The following CNTNAP2 variants were observed in gnomAD, a reference collection of about 807,000 sequenced individuals.
CNTNAP2 encodes contactin associated protein 2.
CNTNAP2 carries 98 observed loss-of-function variants against 155.2 expected under a neutral mutation model. The ratio of observed to expected loss-of-function variants is 0.63; its 90% CI spans 0.54 to 0.75. CNTNAP2 has a LOEUF of 0.75. Among genes scored for constraint, CNTNAP2 ranks in the 30% least tolerant of loss-of-function variants. The probability of loss-of-function intolerance (pLI) is 0.00; values close to 1 mark genes in which losing one functional copy is unlikely to be tolerated. For synonymous variants in CNTNAP2, 651 were observed against 631.2 expected (o/e 1.03, Z -0.47); for missense variants, 1,727 against 1,688.1 (o/e 1.02, Z -0.40).
chr7:147,052,096 C>CT (rs1799484362), intron 4 of CNTNAP2, among the ~76,000 whole-genome samples: 1 of 152,072 alleles, frequency 6.6e-6, no homozygotes, highest in African/African-American at 2.4e-5. Flanking sequence ...CCTGACCAAT[C>CT]TTTTTTATCT....
chr7:147,341,370 T>C (rs1795759998), intron 9 of CNTNAP2, among the ~76,000 whole-genome samples: 1 of 151,954 alleles, frequency 6.6e-6, no homozygotes, highest in Non-Finnish European at 1.5e-5. Context: ...CAAACCAACA[T>C]GGCATGTGCA....
At chr7:146,664,758 C>A (rs1007378354) in intron 1 of CNTNAP2, among the ~76,000 whole-genome samples, 1 of 152,076 alleles carries the variant, frequency 6.6e-6, no homozygotes, top group African/African-American at 2.4e-5. Context: ...CTATTGAAGT[C>A]ATTTGAACCT....
At chr7:148,004,053 A>C (rs1384795209) in intron 15 of CNTNAP2, among the ~76,000 whole-genome samples, 3 of 152,234 alleles carry the variant, frequency 2.0e-5, no homozygotes, top group African/African-American at 7.2e-5. Flanking sequence ...AAATATTTAA[A>C]TCATTGCAAG....
chr7:146,663,325 A>G (rs564460819), intron 1 of CNTNAP2, among the ~76,000 whole-genome samples: 2 of 151,722 alleles, frequency 1.3e-5, no homozygotes, highest in East Asian at 3.9e-4. Context: ...AAGGAAAAAA[A>G]AAGAAATCAG....
chr7:146,875,421 C>G (rs1297943167), intron 3 of CNTNAP2, among the ~76,000 whole-genome samples: 2 of 152,144 alleles, frequency 1.3e-5, no homozygotes, highest in African/African-American at 4.8e-5. Context: ...AGAGCATTCC[C>G]TTTAGAAAAC....
chr7:147,905,772 T>C (rs1230061445), intron 14 of CNTNAP2, among the ~76,000 whole-genome samples: 3 of 152,034 alleles, frequency 2.0e-5, no homozygotes, highest in African/African-American at 7.2e-5. Context: ...TAATTGCAGA[T>C]ACTCGGGAGG....
At chr7:146,655,558 G>T (rs1413934556) in intron 1 of CNTNAP2, among the ~76,000 whole-genome samples, 1 of 151,668 alleles carries the variant, frequency 6.6e-6, no homozygotes, top group Non-Finnish European at 1.5e-5. Context: ...TCCATTCTAA[G>T]GTGTACTTCA....
rs150470959 is a variant in CNTNAP2, at chr7:147,103,216, G to C, written c.551-4931G>C. Among the ~76,000 whole-genome samples the C allele has an allele frequency of 1.9e-3, 286 of 152,222 alleles. 3 individuals carry two copies. The highest frequency in any genetic ancestry group is 6.6e-3 in the African/African-American group (275 of 41,546). On this transcript the variant is annotated intron_variant, in intron 4 of 23. Transcript: ENST00000361727. ...GGGCTTTAGAATGGAACAAAACTAA[G>C]TCTCAGAGGAGATATGCTGTAAATA...
chr7:146,729,260 T>A (rs1585062870), intron 1 of CNTNAP2, among the ~76,000 whole-genome samples: 1 of 152,146 alleles, frequency 6.6e-6, no homozygotes, highest in East Asian at 1.9e-4. Flanking sequence ...CATATACTGT[T>A]GAGACAAAAG....
chr7:148,069,933 A>T (rs111396681), intron 15 of CNTNAP2, among the ~76,000 whole-genome samples: 1 of 152,192 alleles, frequency 6.6e-6, no homozygotes, highest in African/African-American at 2.4e-5. Flanking sequence ...GCCAGTCACT[A>T]TTCTAAGCAT....
At chr7:146,588,903 G>T (rs1296097452) in intron 1 of CNTNAP2, among the ~76,000 whole-genome samples, 1 of 151,912 alleles carries the variant, frequency 6.6e-6, no homozygotes, top group East Asian at 1.9e-4. Context: ...TATTTTAGCT[G>T]CTGTCTATAA....
chr7:148,414,108 C>T (rs920565346), intron 23 of CNTNAP2, among the ~76,000 whole-genome samples: 3 of 145,726 alleles, frequency 2.1e-5, no homozygotes, highest in Non-Finnish European at 4.5e-5. Context: ...GTCCCCCCCC[C>T]CCCCCTCACA....
intron 13 of CNTNAP2, among the ~76,000 whole-genome samples, chr7:147,642,591 A>G (rs1361121260): frequency 6.6e-6 from 1 of 152,144 alleles, no homozygotes; most frequent in Non-Finnish European, 1.5e-5. Context: ...CTTGTTATTA[A>G]GCACTCTGTT....
At position 147,640,083 on chromosome 7, in the gene CNTNAP2, T is replaced by C. The variant is rs562670912; in HGVS notation, c.2098+777T>C. ...TTACCACTTCCCAAGTATGTGACTT[T>C]GGTGGAGTGAGTTGACCTCTTTTTA... On this transcript the variant is annotated intron_variant, in intron 13 of 23. Transcript: ENST00000361727. Among the ~76,000 whole-genome samples the C allele has an allele frequency of 2.0e-5, 3 of 152,290 alleles. No individual in the cohort carries two copies. The East Asian group carries it at 5.8e-4, about 29-fold the overall frequency.
In CNTNAP2 at chr7:146,138,958, G is replaced by T. The variant is rs115565400; in HGVS notation, c.97+21985G>T. ...GGTCCCTATAAATCCACTGTAAGTT[G>T]AAAATATAGTTAAGTCGAAAATGCA... is the stretch of plus-strand genomic sequence containing the variant. On this transcript the variant is annotated intron_variant, in intron 1 of 23. Coordinates refer to ENST00000361727, the MANE Select transcript of CNTNAP2 (RefSeq NM_014141.6). 5.2e-3 allele frequency among the ~76,000 whole-genome samples: 797 copies of T among 152,214 alleles called. 5 individuals carry two copies. The highest frequency in any genetic ancestry group is 0.018 in the African/African-American group (755 of 41,546).
At chr7:147,851,719 T>A (rs201306563) in intron 13 of CNTNAP2, among the ~76,000 whole-genome samples, 1 of 132,744 alleles carries the variant, frequency 7.5e-6, no homozygotes. Flanking sequence ...ATGAGAACAC[T>A]TGGACACAGG....
intron 8 of CNTNAP2, among the ~76,000 whole-genome samples, chr7:147,193,271 C>G (rs1295096086): frequency 1.3e-5 from 2 of 152,072 alleles, no homozygotes; most frequent in Non-Finnish European, 2.9e-5. Context: ...GGAACTTGTC[C>G]AAGTTAATGT....
intron 1 of CNTNAP2, among the ~76,000 whole-genome samples, chr7:146,168,797 A>G (rs73452062): frequency 0.024 from 3,616 of 152,264 alleles, 141 homozygotes; most frequent in African/African-American, 0.081. Flanking sequence ...CAATGTGGCA[A>G]CCAGAATGAC....
intron 8 of CNTNAP2, among the ~76,000 whole-genome samples, chr7:147,299,333 CT>C (rs2116766899): frequency 6.6e-6 from 1 of 152,170 alleles, no homozygotes; most frequent in East Asian, 1.9e-4. Context: ...TACTGTCCAG[CT>C]AATGGACAAT....
Sources: gnomAD v4.1 joint callset for allele counts (sites outside exome capture counted in the v4.1 genomes callset) on GRCh38, gnomAD v4.1.1 for gene constraint, MANE v1.5 for transcripts, NCBI Gene and HGNC (gene_info 2026-07-23, HGNC 2026-07-21) for gene names.